Variants in B3GAT2 observed in about 807,000 individuals in gnomAD.
B3GAT2 encodes beta-1,3-glucuronyltransferase 2.
In B3GAT2, 26 loss-of-function variants were observed where a neutral mutation model predicts 27.8. The ratio of observed to expected loss-of-function variants is 0.93; its 90% CI spans 0.68 to 1.30. The LOEUF (loss-of-function observed/expected upper bound fraction) is 1.30, where lower values mean the gene tolerates loss of function less well. Ranked by LOEUF, B3GAT2 falls within the 50% of genes most tolerant of loss-of-function variation. The pLI is 0.00. For synonymous variants in B3GAT2, 218 were observed against 195.1 expected (o/e 1.12, Z -0.98); for missense variants, 458 against 459.0 (o/e 1.00, Z 0.02).
chr6:70,869,087 C>T (rs1035583901), intron 2 of B3GAT2, among the ~76,000 whole-genome samples: 3 of 152,168 alleles, frequency 2.0e-5, no homozygotes, highest in African/African-American at 7.2e-5. Context: ...TGGCAAAAAT[C>T]AACTGACCAT....
At chr6:70,938,078 C>T (rs1404485383) in intron 1 of B3GAT2, among the ~76,000 whole-genome samples, 1 of 150,020 alleles carries the variant, frequency 6.7e-6, no homozygotes, top group Non-Finnish European at 1.5e-5. Flanking sequence ...AATCAATGTA[C>T]AAAAATCACA....
chr6:70,926,219 A>C (rs1386338340), intron 1 of B3GAT2, among the ~76,000 whole-genome samples: 1 of 152,244 alleles, frequency 6.6e-6, no homozygotes, highest in Non-Finnish European at 1.5e-5. Context: ...AAAGATGCGG[A>C]GAAAACAGAG....
At chr6:70,941,557 T>G (rs1028426409) in intron 1 of B3GAT2, among the ~76,000 whole-genome samples, 4 of 152,136 alleles carry the variant, frequency 2.6e-5, no homozygotes, top group South Asian at 2.1e-4. Context: ...TGGTAATGCC[T>G]TGCTATATAC....
At chr6:70,910,421 A>G (rs1243715625) in intron 1 of B3GAT2, among the ~76,000 whole-genome samples, 1 of 152,180 alleles carries the variant, frequency 6.6e-6, no homozygotes, top group East Asian at 1.9e-4. Flanking sequence ...TAGAACATGC[A>G]GCATTTGGTT....
intron 1 of B3GAT2, among the ~76,000 whole-genome samples, chr6:70,935,533 T>G (rs1188872534): frequency 6.6e-6 from 1 of 152,072 alleles, no homozygotes; most frequent in African/African-American, 2.4e-5. Flanking sequence ...TGAATGGTGG[T>G]GGGTATCAAA....
intron 1 of B3GAT2, among the ~76,000 whole-genome samples, chr6:70,933,003 T>A (rs1236815017): frequency 6.6e-6 from 1 of 152,146 alleles, no homozygotes; most frequent in Admixed American, 6.5e-5. Flanking sequence ...TCTCATGATG[T>A]TACCCAAGCT....
At chr6:70,909,307 C>T (rs1772650298) in intron 1 of B3GAT2, among the ~76,000 whole-genome samples, 1 of 152,118 alleles carries the variant, frequency 6.6e-6, no homozygotes, top group African/African-American at 2.4e-5. Context: ...AAACTATATA[C>T]TATTGACAAG....
At chr6:70,902,009 A>G (rs1772507107) in intron 1 of B3GAT2, among the ~76,000 whole-genome samples, 1 of 152,242 alleles carries the variant, frequency 6.6e-6, no homozygotes, top group African/African-American at 2.4e-5. Flanking sequence ...TTAGATTTTA[A>G]TATAAATAAA....
At chr6:70,902,928 A>C (rs539243982) in intron 1 of B3GAT2, among the ~76,000 whole-genome samples, 1 of 152,052 alleles carries the variant, frequency 6.6e-6, no homozygotes, top group South Asian at 2.1e-4. Flanking sequence ...TCAAAGGACA[A>C]ATTTTTACTT....
intron 1 of B3GAT2, among the ~76,000 whole-genome samples, chr6:70,906,802 C>T (rs1772609223): frequency 1.3e-5 from 2 of 152,126 alleles, no homozygotes; most frequent in South Asian, 2.1e-4. Context: ...TTCTCAGTCT[C>T]TAATTAACAT....
intron 1 of B3GAT2, among the ~76,000 whole-genome samples, chr6:70,908,262 A>C (rs1408389854): frequency 2.6e-5 from 4 of 152,208 alleles, no homozygotes; most frequent in African/African-American, 9.6e-5. Flanking sequence ...AGCTATAACT[A>C]ATCATCTCTG....
At chr6:70,901,541 G>T (rs146305349) in intron 1 of B3GAT2, among the ~76,000 whole-genome samples, 19 of 152,356 alleles carry the variant, frequency 1.2e-4, no homozygotes, top group African/African-American at 3.4e-4. Flanking sequence ...GACAAAGCTG[G>T]AATAATTTGA....
chr6:70,956,629 G>C lies in B3GAT2; in HGVS notation c.-200C>G, dbSNP rs1417095081. The C allele has an allele frequency of 2.1e-6, 3 of 1,424,944 alleles. No homozygotes were observed. The highest frequency in any genetic ancestry group is 1.5e-5 in the South Asian group (1 of 66,910). 88.3% of individuals were successfully genotyped at this position (1,424,944 alleles called of 1,614,324 possible). On this transcript the variant is annotated 5_prime_UTR_variant, in exon 1 of 4. Coordinates refer to ENST00000230053, the MANE Select transcript of B3GAT2 (RefSeq NM_080742.3). ...AGGAGCGGCAGGTTCGCGCAAGCTA[G>C]AGCGACAAGGGGTGCAGGCGGGCGG...
chr6:70,949,755 G>A (rs1273839906), intron 1 of B3GAT2, among the ~76,000 whole-genome samples: 2 of 151,778 alleles, frequency 1.3e-5, no homozygotes, highest in Non-Finnish European at 1.5e-5. Flanking sequence ...ACATGCACAT[G>A]TATGTTTATT....
chr6:70,864,071 T>TC (rs1440820873), intron 2 of B3GAT2, among the ~76,000 whole-genome samples: 1 of 151,184 alleles, frequency 6.6e-6, no homozygotes, highest in Non-Finnish European at 1.5e-5. Context: ...CTTTTTTTTT[T>TC]TTTTTTTTTT....
chr6:70,865,197 G>C (rs1771829796), intron 2 of B3GAT2, among the ~76,000 whole-genome samples: 1 of 152,164 alleles, frequency 6.6e-6, no homozygotes, highest in African/African-American at 2.4e-5. Context: ...CACAATCTCG[G>C]CTCACTGCAA....
At chr6:70,935,556 T>C (rs1376121770) in intron 1 of B3GAT2, among the ~76,000 whole-genome samples, 1 of 152,156 alleles carries the variant, frequency 6.6e-6, no homozygotes, top group Non-Finnish European at 1.5e-5. Context: ...GTTAACAATA[T>C]TTATAGATCT....
chr6:70,926,271 C>G (rs954774319), intron 1 of B3GAT2, among the ~76,000 whole-genome samples: 2 of 152,178 alleles, frequency 1.3e-5, no homozygotes, highest in Admixed American at 1.3e-4. Flanking sequence ...GACTCTTCTC[C>G]AAAGGATCGC....
intron 1 of B3GAT2, among the ~76,000 whole-genome samples, chr6:70,909,910 G>A (rs183884711): frequency 3.0e-4 from 46 of 151,946 alleles, no homozygotes; most frequent in African/African-American, 1.1e-3. Context: ...GTCTTGCTTT[G>A]TTGCCCAGGC....
Sources: allele counts gnomAD v4.1 joint callset (sites outside exome capture counted in the v4.1 genomes callset), GRCh38; gene constraint gnomAD v4.1.1; transcripts MANE v1.5; gene names NCBI Gene and HGNC (gene_info 2026-07-23, HGNC 2026-07-21).